Variants in EPB41L1 observed in about 807,000 individuals in gnomAD.
The protein encoded by EPB41L1 is band 4.1-like protein 1.
EPB41L1 carries 29 observed loss-of-function variants against 97.8 expected under a neutral mutation model. The observed-to-expected ratio is 0.30, with a 90% CI of 0.22 to 0.40. The LOEUF (loss-of-function observed/expected upper bound fraction) is 0.40, where lower values mean the gene tolerates loss of function less well. Among genes scored for constraint, EPB41L1 ranks in the 10% least tolerant of loss-of-function variants. EPB41L1 has a pLI of 1.00. For missense variants in EPB41L1, 812 were observed against 1,162.3 expected (o/e 0.70, Z 4.38); for synonymous variants, 383 against 459.2 (o/e 0.83, Z 2.12).
chr20:36,134,701 G>T (rs1600497675), intron 2 of EPB41L1, among the ~76,000 whole-genome samples: 2 of 152,220 alleles, frequency 1.3e-5, no homozygotes, highest in Admixed American at 6.5e-5. Flanking sequence ...TGGGCTATTA[G>T]CTCCTCAGGG....
chr20:36,225,598 C>T (rs1439142709), intron 21 of EPB41L1, among the ~76,000 whole-genome samples: 1 of 152,192 alleles, frequency 6.6e-6, no homozygotes. Context: ...CCGTTTCTTC[C>T]CGCTTGAGGA....
At chr20:36,198,069 G>C (rs1245667135) in intron 14 of EPB41L1, 28 bp downstream of exon 14, 1 of 1,603,372 alleles carries the variant, frequency 6.2e-7, no homozygotes, top group African/African-American at 1.3e-5. Context: ...CCCCTCGATA[G>C]GGGCCTTGGG....
At position 36,221,905 on chromosome 20, in the gene EPB41L1, A is replaced by C; in HGVS notation, c.2481A>C (p.Arg827=). The change falls in exon 20 of 22, where the codon CGA becomes CGC. Residue 827 remains arginine (R), a synonymous_variant. Coordinates refer to ENST00000338074, the MANE Select transcript of EPB41L1 (RefSeq NM_012156.2). The part of the protein sequence containing the change: ...GGFSETRIEK[R]IIITGDEDVD... ...TTTCTGAGACAAGGATCGAGAAGCG[A>C]ATCATCATTACTGGGGATGAAGATG... The C allele has an allele frequency of 1.9e-6, 3 of 1,614,198 alleles. No individual in the cohort carries two copies. Among genetic ancestry groups the C allele is most frequent in the Non-Finnish European group, 2.5e-6 (3 of 1,180,034 alleles).
chr20:36,102,074 C>T (rs1226961767), intron 1 of EPB41L1, among the ~76,000 whole-genome samples: 2 of 149,546 alleles, frequency 1.3e-5, no homozygotes, highest in Non-Finnish European at 3.0e-5. Flanking sequence ...TTTTCCAGAC[C>T]TCACCCAAGA....
chr20:36,127,746 C>T (rs1441086535), intron 2 of EPB41L1, among the ~76,000 whole-genome samples: 1 of 152,178 alleles, frequency 6.6e-6, no homozygotes, highest in African/African-American at 2.4e-5. Context: ...GACCACACAG[C>T]CCAGATCCCC....
intron 3 of EPB41L1, among the ~76,000 whole-genome samples, chr20:36,177,614 G>A (rs534668596): frequency 8.3e-4 from 126 of 152,286 alleles, no homozygotes; most frequent in African/African-American, 3.0e-3. Context: ...CTGCCCCTTC[G>A]GTCTAAGTTA....
chr20:36,101,112 A>G (rs1426671289), intron 1 of EPB41L1, among the ~76,000 whole-genome samples: 5 of 152,186 alleles, frequency 3.3e-5, no homozygotes, highest in African/African-American at 1.2e-4. Flanking sequence ...TTGTCTCCTC[A>G]CAAGACTGCT....
chr20:36,156,333 G>A (rs2060299202), intron 1 of EPB41L1, among the ~76,000 whole-genome samples: 2 of 152,228 alleles, frequency 1.3e-5, no homozygotes, highest in African/African-American at 4.8e-5. Context: ...CCCTTCCTGG[G>A]CTATGTGACA....
At chr20:36,205,277 T>G (rs1600943960) in intron 14 of EPB41L1, among the ~76,000 whole-genome samples, 2 of 152,222 alleles carry the variant, frequency 1.3e-5, no homozygotes, top group East Asian at 3.8e-4. Flanking sequence ...TCCATGGTTG[T>G]GAAATAAGTT....
At chr20:36,172,362 A>G (rs2061029237) in intron 1 of EPB41L1, among the ~76,000 whole-genome samples, 1 of 152,240 alleles carries the variant, frequency 6.6e-6, no homozygotes, top group Non-Finnish European at 1.5e-5. Flanking sequence ...TATAGGCATG[A>G]GCCACTGCTC....
intron 17 of EPB41L1, among the ~76,000 whole-genome samples, chr20:36,216,607 C>T (rs573889488): frequency 3.7e-4 from 56 of 152,342 alleles, no homozygotes; most frequent in Middle Eastern, 3.4e-3. Flanking sequence ...AAATTCTTCC[C>T]TCCTTCTCTC....
rs1342179570 is a variant in EPB41L1, at chr20:36,230,082, C to A, written c.*742C>A. ...CCCTCCTCCCCCTTCCCCCTTCCCC[C>A]ACCCCACACCCTTCACCCTCTGTGT... On this transcript the variant is annotated 3_prime_UTR_variant, in exon 22 of 22. Transcript: ENST00000338074. 1 of 151,944 alleles carries A rather than the reference C, an allele frequency of 6.6e-6. No individual in the cohort carries two copies. The highest frequency in any genetic ancestry group is 6.6e-5 in the Admixed American group (1 of 15,248). The allele number at this position is 151,944 out of a possible 1,614,324, so 9.4% of individuals were successfully genotyped here. A position where few individuals can be genotyped will look rare whatever the true frequency, so the allele number is the denominator to read the frequency against.
intron 2 of EPB41L1, among the ~76,000 whole-genome samples, chr20:36,149,003 G>A (rs2059942335): frequency 6.6e-6 from 1 of 152,208 alleles, no homozygotes; most frequent in African/African-American, 2.4e-5. Context: ...GGCAGGCTTT[G>A]GAGACACTGA....
Position 36,173,835 on chromosome 20 carries a change from C to A in EPB41L1, c.58C>A (p.Gln20Lys). The A allele has an allele frequency of 6.2e-7, 1 of 1,613,818 alleles. No individual in the cohort carries two copies. ...EVKKAQEEAP[Q>K]QPEAAAAVTT... Reference sequence around the variant, plus strand: ...GAAGAAAGCTCAGGAGGAGGCCCCGCAGCAGCCCGAGGCTGCTGCCGCTGT... The same window carrying A: ...GAAGAAAGCTCAGGAGGAGGCCCCGAAGCAGCCCGAGGCTGCTGCCGCTGT... The change falls in exon 2 of 22, where the codon CAG becomes AAG. Residue 20 changes from glutamine to lysine, a missense_variant. Physicochemically the swap from Gln to Lys is moderately conservative, Grantham distance 53. Transcript: ENST00000338074.
intron 1 of EPB41L1, among the ~76,000 whole-genome samples, chr20:36,096,032 A>G (rs901018120): frequency 6.6e-6 from 1 of 151,752 alleles, no homozygotes; most frequent in Non-Finnish European, 1.5e-5. Context: ...TCTCAGGGAA[A>G]AAAAAAAAAA....
chr20:36,175,860 C>G (rs1569210770), intron 3 of EPB41L1, 145 bp downstream of exon 3: 1 of 825,200 alleles, frequency 1.2e-6, no homozygotes, highest in Non-Finnish European at 2.0e-6. Flanking sequence ...TGGCTCGGAG[C>G]TCCTTTGTAC....
intron 6 of EPB41L1, 23 bp downstream of exon 6, chr20:36,182,370 C>T (rs765706017): frequency 1.2e-6 from 2 of 1,612,846 alleles, no homozygotes; most frequent in African/African-American, 2.7e-5. Flanking sequence ...GAGGGAGAGA[C>T]AGGTGTGCTG....
chr20:36,197,697 C>T, intron 13 of EPB41L1, 162 bp from the exon 14 acceptor site: 1 of 985,304 alleles, frequency 1.0e-6, no homozygotes, highest in Non-Finnish European at 1.2e-6. Flanking sequence ...TTCTCCTTGC[C>T]CTGGTTTGTC....
chr20:36,153,051 G>A, upstream of EPB41L1: 3 of 456,750 alleles, frequency 6.6e-6, no homozygotes, highest in Non-Finnish European at 1.3e-5. Context: ...GGTGAGCAGG[G>A]GGAGTGAAGG....
Sources: allele counts gnomAD v4.1 joint callset (sites outside exome capture counted in the v4.1 genomes callset), GRCh38; gene constraint gnomAD v4.1.1; transcripts MANE v1.5; gene names NCBI Gene and HGNC (gene_info 2026-07-23, HGNC 2026-07-21).